VIRMA: variants seen among roughly 807,000 people sequenced by gnomAD.
VIRMA encodes the protein protein virilizer homolog.
In VIRMA, 65 loss-of-function variants were observed where a neutral mutation model predicts 182.4. The ratio of observed to expected loss-of-function variants is 0.36; its 90% CI spans 0.29 to 0.44. The LOEUF is 0.44. VIRMA is among the 20% of genes least tolerant of loss of function. The pLI is 1.00. For synonymous variants in VIRMA, 709 were observed against 743.1 expected (o/e 0.95, Z 0.75); for missense variants, 1,752 against 2,158.1 (o/e 0.81, Z 3.73).
Position 94,489,818 on chromosome 8 carries a change from G to C in VIRMA, c.5284+121C>G, listed in dbSNP as rs1461202673. 4.5e-5 allele frequency: 48 copies of C among 1,071,868 alleles called. No homozygotes were observed. The East Asian group carries it at 1.0e-3, about 23-fold the overall frequency. The allele number at this position is 1,071,868 out of a possible 1,614,324, so 66.4% of individuals were successfully genotyped here. A position where few individuals can be genotyped will look rare whatever the true frequency, so the allele number is the denominator to read the frequency against. ...CAAAGTTATACTTAGATTTTTGACT[G>C]TGTGGAGCAAGGAGATGGGGAGATT... On this transcript the variant is annotated intron_variant, in intron 23 of 23. Transcript: ENST00000297591.
chr8:94,488,790 T>G lies in VIRMA; in HGVS notation c.5355A>C (p.Ala1785=). ...RGGLGPSWAS[A]NSGSGGSRGK... ...CTCTTGAGCCTCCACTGCCGCTATT[T>G]GCACTAGCCCAGGAAGGTCCAAGTC... Residue 1785 remains alanine, a synonymous_variant, in exon 24 of 24, where the codon GCA becomes GCC. Transcript: ENST00000297591. 6.2e-7 allele frequency: 1 copy of G among 1,614,246 alleles called. No homozygotes were observed. The highest frequency in any genetic ancestry group is 1.3e-5 in the African/African-American group (1 of 75,072).
Position 94,519,108 on chromosome 8 carries a change from T to A in VIRMA, c.2390A>T (p.His797Leu). 6.2e-7 allele frequency: 1 copy of A among 1,613,988 alleles called. No homozygotes were observed. Among genetic ancestry groups the A allele is most frequent in the South Asian group, 1.1e-5 (1 of 91,012 alleles). Residue 797 changes from histidine to leucine, a missense_variant, in exon 9 of 24, where the codon CAC (histidine) becomes CTC (leucine). By Grantham distance (99) the His-to-Leu change is moderately conservative. Coordinates refer to ENST00000297591, the MANE Select transcript of VIRMA (RefSeq NM_015496.5). Reference protein sequence around the residue: ...TDHSDLLGTLHNLYLITFNPV... With the variant: ...TDHSDLLGTLLNLYLITFNPV... ...ATTAAAAGTAATCAAATAAAGATTG[T>A]GCAGGGTTCCCAAGAGATCTGAATG...
At chr8:94,507,297 G>A (rs536588382) in intron 15 of VIRMA, among the ~76,000 whole-genome samples, 61 of 151,448 alleles carry the variant, frequency 4.0e-4, no homozygotes, top group African/African-American at 1.4e-3. Context: ...CACCACACCC[G>A]GCTAATTTTG....
At chr8:94,507,203 T>G (rs953196456) in intron 15 of VIRMA, among the ~76,000 whole-genome samples, 1 of 151,286 alleles carries the variant, frequency 6.6e-6, no homozygotes, top group Non-Finnish European at 1.5e-5. Context: ...TGGCATGATC[T>G]CGGCTCACTG....
rs149610823 is a variant in VIRMA, at chr8:94,526,419, T to C, written c.1825A>G (p.Met609Val). 11 of 1,613,766 alleles carry C rather than the reference T, an allele frequency of 6.8e-6. No homozygotes were observed. The highest frequency in any genetic ancestry group is 1.1e-5 in the South Asian group (1 of 91,042). The change falls in exon 8 of 24, where the codon ATG becomes GTG. Residue 609 changes from methionine to valine, a missense_variant. This residue lies in a region of VIRMA where 401 missense variants were observed against 455.1 expected (regional missense o/e 0.88). Coordinates refer to ENST00000297591, the MANE Select transcript of VIRMA (RefSeq NM_015496.5). ...PEYENEVEASMDMDLLESSNI... is the reference protein window; with the variant it reads ...PEYENEVEASVDMDLLESSNI... ...GAGGATTCCAAAAGATCCATATCCA[T>C]AGAAGCTTCCACCTCATTTTCATAT...
chr8:94,536,458 G>A (rs372664722), intron 4 of VIRMA, among the ~76,000 whole-genome samples: 2 of 152,212 alleles, frequency 1.3e-5, no homozygotes, highest in East Asian at 3.8e-4. Flanking sequence ...GGAGAAATAT[G>A]AAATATGTAC....
chr8:94,525,140 G>T (rs145407624), intron 8 of VIRMA, among the ~76,000 whole-genome samples: 1 of 152,142 alleles, frequency 6.6e-6, no homozygotes, highest in African/African-American at 2.4e-5. Context: ...AAGGGTGCTC[G>T]GACCACAAGC....
intron 9 of VIRMA, among the ~76,000 whole-genome samples, chr8:94,518,297 T>C (rs1431411752): frequency 1.3e-5 from 2 of 152,186 alleles, no homozygotes; most frequent in South Asian, 2.1e-4. Flanking sequence ...TCTGGATAAA[T>C]AGGAACGAGT....
In VIRMA at chr8:94,526,243, A is replaced by T; in HGVS notation, c.2001T>A (p.Asp667Glu). 1.2e-6 allele frequency: 2 copies of T among 1,612,314 alleles called. No individual in the cohort carries two copies. The highest frequency in any genetic ancestry group is 1.7e-6 in the Non-Finnish European group (2 of 1,179,126). The change falls in exon 8 of 24, where the codon GAT becomes GAA. Residue 667 changes from aspartate (D) to glutamate (E), a missense_variant. Transcript: ENST00000297591. Reference sequence around the variant, plus strand: ...CTTACCTAAAGAGAACAGGGTATGGATCATCCCTCTCTGGAGGTCCAGTAA... The same window carrying T: ...CTTACCTAAAGAGAACAGGGTATGGTTCATCCCTCTCTGGAGGTCCAGTAA... ...ARITGPPERD[D>E]PYPVLFRYLH... is the part of the protein sequence containing the mutation.
intron 11 of VIRMA, among the ~76,000 whole-genome samples, chr8:94,513,885 A>C (rs1814458448): frequency 6.6e-6 from 1 of 152,236 alleles, no homozygotes; most frequent in Non-Finnish European, 1.5e-5. Context: ...TGATGGCACC[A>C]TAGGAAGTAA....
chr8:94,503,954 C>T (rs2130287589), intron 16 of VIRMA, among the ~76,000 whole-genome samples: 1 of 152,116 alleles, frequency 6.6e-6, no homozygotes, highest in East Asian at 1.9e-4. Context: ...AGGAGGATCA[C>T]CTGAGGTCAG....
chr8:94,520,592 T>C (rs768428387), intron 8 of VIRMA, among the ~76,000 whole-genome samples: 1 of 152,214 alleles, frequency 6.6e-6, no homozygotes, highest in Non-Finnish European at 1.5e-5. Flanking sequence ...ATAACAACTA[T>C]TTACAGAGCA....
At chr8:94,547,089 T>C (rs945959379) in intron 1 of VIRMA, 2 of 447,162 alleles carry the variant, frequency 4.5e-6, no homozygotes, top group Non-Finnish European at 8.9e-6. Context: ...TCCTAGTGCC[T>C]AAAGTCCTTT....
intron 20 of VIRMA, among the ~76,000 whole-genome samples, chr8:94,493,598 A>G (rs1284482988): frequency 6.6e-6 from 1 of 152,216 alleles, no homozygotes; most frequent in East Asian, 1.9e-4. Context: ...GCATTATTGC[A>G]TAAAATTCTA....
Position 94,506,580 on chromosome 8 carries a change from G to A in VIRMA, c.4017C>T (p.Ser1339=), listed in dbSNP as rs548212748. ...CLLATLANSE[S]SYNCLLTCVR... is the part of the protein sequence containing the mutation. ...CACATGTCAGTAAACAGTTGTAACT[G>A]CTCTCAGAGTTAGCTAGCGTAGCCA... The change falls in exon 16 of 24, where the codon AGC becomes AGT. Residue 1339 remains serine (S), a synonymous_variant. Transcript: ENST00000297591. 1.8e-5 allele frequency: 29 copies of A among 1,613,484 alleles called. No homozygotes were observed. In the East Asian group the frequency reaches 6.0e-4, roughly 34 times the overall value.
intron 1 of VIRMA, among the ~76,000 whole-genome samples, chr8:94,550,801 C>T (rs1003312065): frequency 1.3e-5 from 2 of 152,040 alleles, no homozygotes; most frequent in Admixed American, 1.3e-4. Context: ...TCACAGCAAC[C>T]TCCTCCTCCC....
intron 16 of VIRMA, among the ~76,000 whole-genome samples, chr8:94,505,322 T>C (rs1302209175): frequency 6.6e-6 from 1 of 152,166 alleles, no homozygotes; most frequent in East Asian, 1.9e-4. Flanking sequence ...CTCCTTACTA[T>C]CTCATAATCC....
At chr8:94,541,421 T>C (rs1206640909) in intron 2 of VIRMA, among the ~76,000 whole-genome samples, 1 of 152,114 alleles carries the variant, frequency 6.6e-6, no homozygotes, top group Admixed American at 6.5e-5. Flanking sequence ...ATTAAAGGGA[T>C]TTTAATTTTA....
At chr8:94,498,166 C>T (rs1204743046) in intron 17 of VIRMA, 1 of 152,178 alleles carries the variant, frequency 6.6e-6, no homozygotes, top group Non-Finnish European at 1.5e-5. Context: ...CACATGCCAC[C>T]AAACTAAGTA....
Sources: gnomAD v4.1 joint callset for allele counts (sites outside exome capture counted in the v4.1 genomes callset) on GRCh38, gnomAD v4.1.1 for gene constraint, gnomAD v4.1.1 regional missense constraint, MANE v1.5 for transcripts, NCBI Gene and HGNC (gene_info 2026-07-23, HGNC 2026-07-21) for gene names.